The following CSMD1 variants were observed in gnomAD, a reference collection of about 807,000 sequenced individuals.
The protein encoded by CSMD1 is CUB and Sushi multiple domains 1.
In CSMD1, 213 loss-of-function variants were observed where a neutral mutation model predicts 417.5. The ratio of observed to expected loss-of-function variants is 0.51; its 90% CI spans 0.46 to 0.57. The LOEUF is 0.57. Ranked by LOEUF, CSMD1 falls within the 20% of genes least tolerant of loss-of-function variation. CSMD1 has a pLI of 0.00. For synonymous variants in CSMD1, 2,862 were observed against 1,736.8 expected (o/e 1.65, Z -16.11); for missense variants, 6,923 against 4,529.7 (o/e 1.53, Z -15.17).
intron 1 of CSMD1, among the ~76,000 whole-genome samples, chr8:4,680,942 C>G (rs951108190): frequency 8.0e-6 from 1 of 125,232 alleles, no homozygotes; most frequent in Non-Finnish European, 1.7e-5. Flanking sequence ...CCTAATCTAT[C>G]TATATTGATG....
chr8:3,749,454 T>C (rs535491696), intron 6 of CSMD1, among the ~76,000 whole-genome samples: 4 of 152,246 alleles, frequency 2.6e-5, no homozygotes, highest in South Asian at 2.1e-4. Context: ...GATGATATAA[T>C]TGGAGAGGTG....
chr8:3,128,215 A>G (rs1166697266), intron 41 of CSMD1: 6 of 152,218 alleles, frequency 3.9e-5, no homozygotes, highest in Non-Finnish European at 7.3e-5. Context: ...TTTTTAAATC[A>G]TAAGTGCAAC....
At chr8:4,155,244 G>C (rs764823236) in intron 3 of CSMD1, among the ~76,000 whole-genome samples, 2 of 152,190 alleles carry the variant, frequency 1.3e-5, no homozygotes, top group South Asian at 2.1e-4. Flanking sequence ...ATGTTGAAAA[G>C]GGGCAGCAGA....
chr8:3,595,316 G>A (rs1801040391), intron 8 of CSMD1, among the ~76,000 whole-genome samples: 1 of 152,204 alleles, frequency 6.6e-6, no homozygotes, highest in Non-Finnish European at 1.5e-5. Flanking sequence ...TCGGAGAGAT[G>A]AATGTGCATC....
intron 3 of CSMD1, among the ~76,000 whole-genome samples, chr8:4,392,430 C>T (rs1299797919): frequency 1.3e-5 from 2 of 151,836 alleles, no homozygotes; most frequent in African/African-American, 4.8e-5. Flanking sequence ...AATATGAAGC[C>T]AAAGAACGTA....
chr8:3,530,540 G>C (rs1015719567), intron 10 of CSMD1, among the ~76,000 whole-genome samples: 22 of 151,992 alleles, frequency 1.4e-4, no homozygotes, highest in Admixed American at 1.4e-3. Context: ...TTTTTGTTTT[G>C]AGGTGGAGTC....
At chr8:3,934,597 G>A (rs1044811535) in intron 5 of CSMD1, among the ~76,000 whole-genome samples, 1 of 152,174 alleles carries the variant, frequency 6.6e-6, no homozygotes, top group South Asian at 2.1e-4. Context: ...GCTGATGCCT[G>A]TAATCTCAGC....
chr8:4,822,525 G>C (rs1241732775), intron 1 of CSMD1, among the ~76,000 whole-genome samples: 1 of 151,960 alleles, frequency 6.6e-6, no homozygotes, highest in African/African-American at 2.4e-5. Context: ...GGATAACTAG[G>C]CAGTTATCCC....
rs527924817 is a variant in CSMD1 at position 4,227,586 on chromosome 8, C to A, written c.415+192367G>T. Among the ~76,000 whole-genome samples, 235 of 152,160 alleles carry A rather than the reference C, an allele frequency of 1.5e-3. 1 individual carries two copies. Among genetic ancestry groups the A allele is most frequent in the African/African-American group, 5.3e-3 (221 of 41,506 alleles). On this transcript the variant is annotated intron_variant, in intron 3 of 69. Coordinates refer to ENST00000635120, the MANE Select transcript of CSMD1 (RefSeq NM_033225.6). ...ATTATTCAGAAGAGAAGTCCCACAG[C>A]CCCCGACCTCAGGATTCCCTGCACA...
Position 4,855,855 on chromosome 8 carries a change from G to A in CSMD1, c.85+138477C>T, listed in dbSNP as rs866129601. On this transcript the variant is annotated intron_variant, in intron 1 of 69. Transcript: ENST00000635120. ...AAAACACTCTGCAGGATATTATCCA[G>A]GAGAACTTCCCCAATCTAGCAAGGC... 2.3e-3 allele frequency among the ~76,000 whole-genome samples: 343 copies of A among 151,044 alleles called. 2 individuals are homozygous for A. The highest frequency in any genetic ancestry group is 8.0e-3 in the African/African-American group (329 of 41,076).
intron 10 of CSMD1, among the ~76,000 whole-genome samples, chr8:3,511,219 AG>A (rs1415990632): frequency 1.3e-5 from 2 of 151,682 alleles, no homozygotes; most frequent in Non-Finnish European, 2.9e-5. Context: ...ATCATACACC[AG>A]GGCCTGTTGG....
intron 1 of CSMD1, among the ~76,000 whole-genome samples, chr8:4,786,277 T>C (rs969899165): frequency 6.6e-6 from 1 of 152,238 alleles, no homozygotes; most frequent in South Asian, 2.1e-4. Context: ...CTTTCTTCTT[T>C]CTTTGTTCTA....
intron 3 of CSMD1, among the ~76,000 whole-genome samples, chr8:4,224,945 T>C (rs1801257980): frequency 6.6e-6 from 1 of 152,064 alleles, no homozygotes; most frequent in South Asian, 2.1e-4. Context: ...ACCCCATCAC[T>C]AATAAAATTA....
rs186434148 is a variant in CSMD1, at chr8:3,468,800, G to T, written c.1473C>A (p.Asp491Glu). 1 of 1,601,504 alleles carries T rather than the reference G, an allele frequency of 6.2e-7. No homozygotes were observed. The highest frequency in any genetic ancestry group is 8.5e-7 in the Non-Finnish European group (1 of 1,174,096). ...LYVLTGSSVP[D>E]LIVSMSNQMW... ...TCTGGTTGCTCATGCTCACAATGAG[G>T]TCAGGAACACTGGATCCCGTGAGCC... The change falls in exon 12 of 70, where the codon GAC (aspartate) becomes GAA (glutamate). Residue 491 changes from aspartate (D) to glutamate (E), a missense_variant. Coordinates refer to ENST00000635120, the MANE Select transcript of CSMD1 (RefSeq NM_033225.6).
intron 23 of CSMD1, among the ~76,000 whole-genome samples, chr8:3,332,293 A>G (rs185792676): frequency 3.9e-4 from 60 of 152,370 alleles, no homozygotes; most frequent in African/African-American, 1.4e-3. Flanking sequence ...TTGCATGTGA[A>G]TAAGACCCTC....
intron 5 of CSMD1, among the ~76,000 whole-genome samples, chr8:3,862,265 G>C (rs1804766092): frequency 6.6e-6 from 1 of 152,114 alleles, no homozygotes; most frequent in Non-Finnish European, 1.5e-5. Flanking sequence ...AGGGGACTGT[G>C]ATAACTTACC....
intron 3 of CSMD1, among the ~76,000 whole-genome samples, chr8:4,286,740 C>G (rs1306785860): frequency 2.0e-5 from 3 of 152,180 alleles, no homozygotes; most frequent in Non-Finnish European, 4.4e-5. Flanking sequence ...TCCCCAGCAT[C>G]TGATGCTTGA....
intron 5 of CSMD1, among the ~76,000 whole-genome samples, chr8:3,926,918 G>C (rs961775068): frequency 1.3e-5 from 2 of 151,654 alleles, no homozygotes; most frequent in Non-Finnish European, 2.9e-5. Context: ...GTTTCACCAT[G>C]TTGGCCAGGA....
intron 5 of CSMD1, among the ~76,000 whole-genome samples, chr8:3,983,882 G>C (rs1286857046): frequency 6.6e-6 from 1 of 151,794 alleles, no homozygotes; most frequent in African/African-American, 2.4e-5. Flanking sequence ...AGATCTAATG[G>C]GACTGTCAAT....
Sources: allele counts gnomAD v4.1 joint callset (sites outside exome capture counted in the v4.1 genomes callset), GRCh38; gene constraint gnomAD v4.1.1; transcripts MANE v1.5; gene names NCBI Gene and HGNC (gene_info 2026-07-23, HGNC 2026-07-21).